HM13: variants seen among roughly 807,000 people sequenced by gnomAD.
HM13 encodes histocompatibility minor 13.
Under a neutral mutation model 50.0 loss-of-function variants are expected in HM13, and 18 were observed. That is an observed-to-expected ratio of 0.36 (90% CI 0.25 to 0.53). HM13 has a LOEUF of 0.53. Ranked by LOEUF, HM13 falls within the 20% of genes least tolerant of loss-of-function variation. The pLI is 0.90. For missense variants in HM13, 393 were observed against 552.4 expected, an observed-to-expected ratio of 0.71 and a Z score of 2.89; for synonymous variants, 197 against 232.6, an observed-to-expected ratio of 0.85 and a Z score of 1.39.
intron 1 of HM13, among the ~76,000 whole-genome samples, chr20:31,517,784 C>G (rs936711476): frequency 2.3e-5 from 3 of 132,410 alleles, no homozygotes; most frequent in African/African-American, 1.2e-4. Context: ...GAAAGCAATG[C>G]AGCGGTTAAT....
At chr20:31,548,271 A>C in intron 4 of HM13, 1 of 490,946 alleles carries the variant, frequency 2.0e-6, no homozygotes, top group Non-Finnish European at 3.7e-6. Flanking sequence ...GGAATGTGAA[A>C]GGAGTGTCTG....
Position 31,549,320 on chromosome 20 carries a change from C to A in HM13, c.654C>A (p.Tyr218Ter), listed in dbSNP as rs138768496. The A allele has an allele frequency of 6.2e-7, 1 of 1,614,228 alleles. No individual in the cohort carries two copies. Among genetic ancestry groups the A allele is most frequent in the Non-Finnish European group, 8.5e-7 (1 of 1,180,040 alleles). Residue 218 changes from tyrosine to a stop codon, truncating the protein, a stop_gained, in exon 6 of 13, where the codon TAC becomes TAA. Transcript: ENST00000398174. LOFTEE classifies it high-confidence loss of function. ...TCCTGCTGGGCGGACTCTTCATCTA[C>A]GATGTCTTCTGGGTGAGTCAGGCAG... ...GCILLGGLFI[Y>*]DVFWVFGTNV...
At chr20:31,538,020 C>A (rs765623789) in intron 2 of HM13, among the ~76,000 whole-genome samples, 159 bp from the exon 3 acceptor site, 83 of 152,308 alleles carry the variant, frequency 5.4e-4, no homozygotes, top group Non-Finnish European at 9.6e-4. Context: ...CCCACAGCTG[C>A]AGAAACTAGA....
chr20:31,542,021 C>T (rs1983475794), intron 3 of HM13, among the ~76,000 whole-genome samples: 1 of 152,242 alleles, frequency 6.6e-6, no homozygotes. Flanking sequence ...CTGGCCACCT[C>T]CTGCCATTGA....
intron 2 of HM13, among the ~76,000 whole-genome samples, chr20:31,528,599 C>T (rs1297377373): frequency 4.6e-5 from 7 of 152,258 alleles, no homozygotes; most frequent in African/African-American, 1.7e-4. Flanking sequence ...CTGCCTCAGC[C>T]AGCTGAGTAG....
chr20:31,549,962 C>T (rs1983942318), intron 6 of HM13, 102 bp from the exon 7 acceptor site: 1 of 880,406 alleles, frequency 1.1e-6, no homozygotes, highest in South Asian at 1.4e-5. Flanking sequence ...CCCAGCTCCC[C>T]TCAGATCCCA....
chr20:31,563,056 A>T (rs1984706095), intron 10 of HM13: 1 of 152,298 alleles, frequency 6.6e-6, no homozygotes, highest in South Asian at 2.1e-4. Flanking sequence ...GCTCCCATTC[A>T]GAGCTCTGGC....
rs545020463 is a variant in HM13 at position 31,517,843 on chromosome 20, A to G, written c.183+3109A>G. On this transcript the variant is annotated intron_variant, in intron 1 of 12. Transcript: ENST00000398174. Reference sequence around the variant, plus strand: ...CACTTGTTAAAAAAAAAAAAAATCAAGCAGTGCAGAAGTATAAAGGAAAAG... The same window carrying G: ...CACTTGTTAAAAAAAAAAAAAATCAGGCAGTGCAGAAGTATAAAGGAAAAG... Among the ~76,000 whole-genome samples, 19 of 152,182 alleles carry G rather than the reference A, an allele frequency of 1.2e-4. No homozygotes were observed. In the East Asian group the frequency reaches 3.3e-3, roughly 26 times the overall value.
intron 7 of HM13, among the ~76,000 whole-genome samples, chr20:31,554,347 T>C (rs1021214122): frequency 2.5e-4 from 38 of 150,524 alleles, no homozygotes; most frequent in Non-Finnish European, 4.1e-4. Context: ...ACAGTCCTCA[T>C]TGCCCTGGGC....
At chr20:31,527,708 A>G (rs991289602) in intron 2 of HM13, 126 bp downstream of exon 2, 15 of 697,108 alleles carry the variant, frequency 2.2e-5, no homozygotes, top group African/African-American at 1.8e-4. Flanking sequence ...AAAAATTAAT[A>G]ATTCACCCAT....
chr20:31,557,952 C>T (rs1363724568), intron 8 of HM13, among the ~76,000 whole-genome samples: 3 of 152,152 alleles, frequency 2.0e-5, no homozygotes, highest in African/African-American at 7.2e-5. Flanking sequence ...AGGTGATCCG[C>T]CTGCCTCGGC....
At chr20:31,552,223 A>G (rs1209265984) in intron 7 of HM13, among the ~76,000 whole-genome samples, 1 of 152,128 alleles carries the variant, frequency 6.6e-6, no homozygotes, top group Non-Finnish European at 1.5e-5. Flanking sequence ...GTCATGAAGG[A>G]TGAATACACA....
intron 8 of HM13, among the ~76,000 whole-genome samples, chr20:31,556,765 A>G (rs1364664919): frequency 1.3e-5 from 2 of 152,026 alleles, no homozygotes; most frequent in African/African-American, 4.8e-5. Context: ...TTAAGCCTGT[A>G]ATCCCAGCAC....
At chr20:31,535,194 G>A (rs997033415) in intron 2 of HM13, 2 of 152,108 alleles carry the variant, frequency 1.3e-5, no homozygotes, top group African/African-American at 4.8e-5. Flanking sequence ...TTTAAAATAA[G>A]TTTTAAATTT....
At chr20:31,536,137 T>G (rs6059841) in intron 2 of HM13, among the ~76,000 whole-genome samples, 46,701 of 152,022 alleles carry the variant, frequency 0.31, 11,793 homozygotes, top group African/African-American at 0.7. Context: ...GCCGAGGCAG[T>G]TGGATCACCT....
intron 10 of HM13, among the ~76,000 whole-genome samples, chr20:31,565,177 A>G (rs1169650396): frequency 2.6e-5 from 4 of 151,238 alleles, no homozygotes; most frequent in Admixed American, 2.6e-4. Context: ...AAAAAAAAAA[A>G]AAAAGAAAGA....
intron 3 of HM13, among the ~76,000 whole-genome samples, chr20:31,544,001 A>T (rs753934093): frequency 6.6e-6 from 1 of 151,938 alleles, no homozygotes; most frequent in Non-Finnish European, 1.5e-5. Flanking sequence ...GGCCTGCCTC[A>T]TCCCTGCTAA....
chr20:31,552,667 G>C (rs190998952), intron 7 of HM13, among the ~76,000 whole-genome samples: 33 of 152,268 alleles, frequency 2.2e-4, no homozygotes, highest in Admixed American at 2.0e-3. Flanking sequence ...TGTGGCCTTG[G>C]GGAGAAGACT....
intron 4 of HM13, chr20:31,547,433 C>CT: frequency 1.9e-6 from 1 of 520,364 alleles, no homozygotes; most frequent in Non-Finnish European, 3.4e-6. Flanking sequence ...GCCGGCCTTC[C>CT]TGCAGGGGAC....
Sources: allele counts gnomAD v4.1 joint callset (sites outside exome capture counted in the v4.1 genomes callset), GRCh38; gene constraint gnomAD v4.1.1; transcripts MANE v1.5; gene names NCBI Gene and HGNC (gene_info 2026-07-23, HGNC 2026-07-21).